Variants in NAV2 observed in about 807,000 individuals in gnomAD.
The protein encoded by NAV2 is neuron navigator 2.
Under a neutral mutation model 223.2 loss-of-function variants are expected in NAV2, and 54 were observed. The ratio of observed to expected loss-of-function variants is 0.24; its 90% confidence interval spans 0.19 to 0.30. The LOEUF is 0.30. Among genes scored for constraint, NAV2 ranks in the 10% least tolerant of loss-of-function variants. The probability of loss-of-function intolerance (pLI) is 1.00; values close to 1 mark genes in which losing one functional copy is unlikely to be tolerated. For missense variants in NAV2, 2,806 were observed against 3,147.5 expected, an observed-to-expected ratio of 0.89 and a Z score of 2.60; for synonymous variants, 1,279 against 1,239.3, an observed-to-expected ratio of 1.03 and a Z score of -0.67.
chr11:19,383,700 A>G (rs2133945688), intron 1 of NAV2, among the ~76,000 whole-genome samples: 1 of 152,340 alleles, frequency 6.6e-6, no homozygotes, highest in South Asian at 2.1e-4. Flanking sequence ...AAATCAAGGT[A>G]ACACTACCCT....
chr11:19,627,318 G>A (rs2135461775), intron 1 of NAV2, among the ~76,000 whole-genome samples: 1 of 152,194 alleles, frequency 6.6e-6, no homozygotes, highest in African/African-American at 2.4e-5. Flanking sequence ...GAACCCAGGA[G>A]GCAGAGATTG....
At chr11:20,058,440 C>T (rs530902834) in intron 19 of NAV2, among the ~76,000 whole-genome samples, 3 of 152,214 alleles carry the variant, frequency 2.0e-5, no homozygotes, top group African/African-American at 7.2e-5. Flanking sequence ...ATGCATTATG[C>T]GATCTTAAAG....
At chr11:20,106,134 C>T (rs2062011230) in intron 35 of NAV2, among the ~76,000 whole-genome samples, 3 of 99,940 alleles carry the variant, frequency 3.0e-5, no homozygotes, top group South Asian at 3.4e-4. Flanking sequence ...TTTTTCTGTC[C>T]TTGTTCATAT....
intron 1 of NAV2, among the ~76,000 whole-genome samples, chr11:19,358,674 G>C (rs1316210354): frequency 1.3e-5 from 2 of 152,206 alleles, no homozygotes; most frequent in Non-Finnish European, 2.9e-5. Flanking sequence ...CCTGGGAACA[G>C]TGTGCCTTTA....
intron 10 of NAV2, among the ~76,000 whole-genome samples, chr11:19,965,970 A>G (rs2048737702): frequency 6.6e-6 from 1 of 152,196 alleles, no homozygotes; most frequent in Non-Finnish European, 1.5e-5. Context: ...GAAGGTTAAG[A>G]TGGCTGCAGC....
chr11:19,767,022 C>T (rs11025250), intron 1 of NAV2, among the ~76,000 whole-genome samples: 63,188 of 152,012 alleles, frequency 0.42, 14,835 homozygotes, highest in African/African-American at 0.65. Context: ...GAACCTGATG[C>T]CCCAGGATGG....
chr11:19,449,422 G>A lies in NAV2; in HGVS notation c.75+98395G>A, dbSNP rs552403912. On this transcript the variant is annotated intron_variant, in intron 1 of 37. Coordinates refer to the NAV2 transcript ENST00000360655. ...AAAAAAAAAAAAAAATGTGGGAGCC[G>A]AGAAGGAACAGCCACAGGCCCACAG... 5.3e-5 allele frequency among the ~76,000 whole-genome samples: 8 copies of A among 151,800 alleles called. No individual in the cohort carries two copies. In the East Asian group the frequency reaches 5.8e-4, roughly 11 times the overall value.
chr11:19,388,932 C>T (rs568948536), intron 1 of NAV2, among the ~76,000 whole-genome samples: 5 of 152,280 alleles, frequency 3.3e-5, no homozygotes, highest in Middle Eastern at 3.4e-3. Flanking sequence ...GCTGTGATGC[C>T]GGAATTTGAA....
At chr11:19,810,632 T>G (rs2058793005) in intron 1 of NAV2, among the ~76,000 whole-genome samples, 1 of 152,230 alleles carries the variant, frequency 6.6e-6, no homozygotes, top group Admixed American at 6.5e-5. Context: ...AGTCTTCAAT[T>G]CTAATCCATT....
chr11:19,838,686 C>T (rs1437893762), intron 2 of NAV2, among the ~76,000 whole-genome samples: 3 of 152,224 alleles, frequency 2.0e-5, no homozygotes, highest in Admixed American at 1.3e-4. Context: ...TGCAGTGTTA[C>T]GATCTTGGCT....
At chr11:20,065,278 A>G (rs114984125) in intron 20 of NAV2, among the ~76,000 whole-genome samples, 2,608 of 152,342 alleles carry the variant, frequency 0.017, 80 homozygotes, top group African/African-American at 0.06. Context: ...TTAAGTTGCC[A>G]CAGACCCAGA....
chr11:19,426,494 C>T (rs1485088260), intron 1 of NAV2, among the ~76,000 whole-genome samples: 1 of 152,180 alleles, frequency 6.6e-6, no homozygotes, highest in African/African-American at 2.4e-5. Context: ...CCCTAATTTA[C>T]AAAGATATTC....
At chr11:19,877,405 A>C (rs2153078946) in intron 4 of NAV2, among the ~76,000 whole-genome samples, 1 of 151,992 alleles carries the variant, frequency 6.6e-6, no homozygotes, top group East Asian at 1.9e-4. Context: ...TTTGAGGGGA[A>C]ATTGTTTTCT....
chr11:19,480,624 C>T (rs2042249227), intron 1 of NAV2, among the ~76,000 whole-genome samples: 1 of 152,202 alleles, frequency 6.6e-6, no homozygotes, highest in Non-Finnish European at 1.5e-5. Context: ...AATCATCATA[C>T]TAATCATGAA....
At chr11:19,373,406 C>T (rs1007296856) in intron 1 of NAV2, among the ~76,000 whole-genome samples, 5 of 152,184 alleles carry the variant, frequency 3.3e-5, no homozygotes, top group Non-Finnish European at 1.5e-5. Flanking sequence ...GCCACAATGA[C>T]CTTCTTGCTG....
chr11:19,393,312 C>T (rs773928271), intron 1 of NAV2, among the ~76,000 whole-genome samples: 1 of 152,210 alleles, frequency 6.6e-6, no homozygotes, highest in Non-Finnish European at 1.5e-5. Flanking sequence ...GCCAGACAGG[C>T]CTATATGCCA....
chr11:19,799,012 G>A (rs571427403), intron 1 of NAV2, among the ~76,000 whole-genome samples: 1 of 152,212 alleles, frequency 6.6e-6, no homozygotes, highest in Non-Finnish European at 1.5e-5. Context: ...AGGAGAAGAG[G>A]TGAGCAGAGG....
intron 22 of NAV2, among the ~76,000 whole-genome samples, chr11:20,069,851 G>C (rs1472944011): frequency 1.3e-5 from 2 of 152,120 alleles, no homozygotes; most frequent in African/African-American, 4.8e-5. Flanking sequence ...TTCCCAGCTT[G>C]AGCCTTAGTT....
chr11:19,526,318 G>A (rs2043841794), intron 1 of NAV2, among the ~76,000 whole-genome samples: 1 of 152,150 alleles, frequency 6.6e-6, no homozygotes, highest in East Asian at 1.9e-4. Context: ...CCTCTGTTAG[G>A]TAATATCTTG....
Sources: gnomAD v4.1 joint callset for allele counts (sites outside exome capture counted in the v4.1 genomes callset) on GRCh38, gnomAD v4.1.1 for gene constraint, MANE v1.5 for transcripts, NCBI Gene and HGNC (gene_info 2026-07-23, HGNC 2026-07-21) for gene names.